Variants in IPP observed in about 807,000 individuals in gnomAD.
The protein encoded by IPP is actin-binding protein IPP.
IPP carries 41 observed loss-of-function variants against 64.1 expected under a neutral mutation model. The ratio of observed to expected loss-of-function variants is 0.64; its 90% CI spans 0.50 to 0.83. IPP has a LOEUF of 0.83. Among genes scored for constraint, IPP ranks in the 40% least tolerant of loss-of-function variants. The pLI is 0.00. For synonymous variants in IPP, 214 were observed against 235.2 expected, an observed-to-expected ratio of 0.91 and a Z score of 0.83; for missense variants, 649 against 703.0, an observed-to-expected ratio of 0.92 and a Z score of 0.87.
At chr1:45,708,959 G>A (rs570381527) in intron 8 of IPP, among the ~76,000 whole-genome samples, 19 of 142,478 alleles carry the variant, frequency 1.3e-4, no homozygotes, top group African/African-American at 4.2e-4. Flanking sequence ...GCTTGAACCC[G>A]AGAGGCAGAG....
chr1:45,747,584 T>C (rs572044294), intron 1 of IPP, among the ~76,000 whole-genome samples: 4 of 152,062 alleles, frequency 2.6e-5, no homozygotes, highest in East Asian at 3.9e-4. Flanking sequence ...TCCCAGCACG[T>C]TGGGATGCTG....
chr1:45,743,023 C>T (rs1218035638), intron 2 of IPP, among the ~76,000 whole-genome samples: 1 of 151,852 alleles, frequency 6.6e-6, no homozygotes. Flanking sequence ...CTACAACCAA[C>T]ACCTCCTGGG....
rs1224997414 is a variant in IPP, at chr1:45,727,794, T to C, written c.885A>G (p.Gly295=). Reference sequence around the variant, plus strand: ...AGCGACCCCCCTGCAACCGAGTATATCCACCTAAACAAAAGAAGAAAAGGT... The same window carrying C: ...AGCGACCCCCCTGCAACCGAGTATACCCACCTAAACAAAAGAAGAAAAGGT... ...KARKYLYAVG[G]YTRLQGGRWS... is the part of the protein sequence containing the mutation. The change falls in exon 5 of 9, where the codon GGA becomes GGG. Residue 295 remains glycine, a synonymous_variant. Coordinates refer to ENST00000396478, the MANE Select transcript of IPP (RefSeq NM_005897.3). 1.3e-6 allele frequency: 2 copies of C among 1,531,634 alleles called. No homozygotes were observed. Among genetic ancestry groups the C allele is most frequent in the Non-Finnish European group, 1.8e-6 (2 of 1,124,782 alleles). 94.9% of individuals were successfully genotyped at this position (1,531,634 alleles called of 1,614,324 possible).
At chr1:45,696,308 A>T (rs1056876171), downstream of IPP, among the ~76,000 whole-genome samples, 2 of 152,222 alleles carry the variant, frequency 1.3e-5, no homozygotes, top group Non-Finnish European at 2.9e-5. Flanking sequence ...AGATCACTTT[A>T]ATCATTTCTC....
chr1:45,749,524 TG>T (rs1646189325), intron 1 of IPP, among the ~76,000 whole-genome samples: 1 of 130,658 alleles, frequency 7.7e-6, no homozygotes, highest in Non-Finnish European at 1.7e-5. Context: ...TTTTGTTTTT[TG>T]TTTTTTTTTT....
rs541754924 is a variant in IPP, at chr1:45,715,127, A to G, written c.1310-661T>C. On this transcript the variant is annotated intron_variant, in intron 7 of 8. Transcript: ENST00000396478. ...GGAGGATGGCTTGAGCGTGGGAGGC[A>G]GAGGTTACAGTGAGCCAAGATTGCA... 3.3e-5 allele frequency among the ~76,000 whole-genome samples: 5 copies of G among 150,736 alleles called. No homozygotes were observed. In the East Asian group the frequency reaches 7.8e-4, roughly 24 times the overall value.
At chr1:45,711,950 A>G (rs765843124) in intron 8 of IPP, among the ~76,000 whole-genome samples, 1 of 152,082 alleles carries the variant, frequency 6.6e-6, no homozygotes, top group African/African-American at 2.4e-5. Context: ...ACATTCCAAC[A>G]CTCCTTTTTT....
intron 3 of IPP, among the ~76,000 whole-genome samples, chr1:45,738,991 G>A (rs1397852830): frequency 1.3e-5 from 2 of 151,796 alleles, no homozygotes; most frequent in African/African-American, 2.4e-5. Flanking sequence ...TGCTAATTCC[G>A]TGTTTGCAGC....
chr1:45,744,606 C>T (rs1646110370), intron 2 of IPP, among the ~76,000 whole-genome samples: 1 of 152,036 alleles, frequency 6.6e-6, no homozygotes, highest in African/African-American at 2.4e-5. Context: ...TTTGGGAGGC[C>T]GAGGCAGGTG....
At chr1:45,734,073 A>G (rs1234637259) in intron 3 of IPP, among the ~76,000 whole-genome samples, 1 of 152,162 alleles carries the variant, frequency 6.6e-6, no homozygotes, top group African/African-American at 2.4e-5. Context: ...CAAAACTAAA[A>G]GGACAGAGCT....
rs762177871 is a variant in IPP, at chr1:45,719,194, C to T, written c.1186+9G>A. 3.1e-6 allele frequency: 5 copies of T among 1,613,566 alleles called. No homozygotes were observed. Among genetic ancestry groups the T allele is most frequent in the South Asian group, 2.2e-5 (2 of 91,044 alleles). On this transcript the variant is annotated intron_variant, in intron 6 of 8. Transcript: ENST00000396478. ...TATTAGCTATCTTTAAACTGAACAACATAATTACCCAAAGCATAGATAGCC... is the reference window on the plus strand; with the variant it reads ...TATTAGCTATCTTTAAACTGAACAATATAATTACCCAAAGCATAGATAGCC...
intron 5 of IPP, among the ~76,000 whole-genome samples, chr1:45,726,709 T>C (rs1393819989): frequency 2.0e-5 from 3 of 149,892 alleles, no homozygotes; most frequent in Admixed American, 6.8e-5. Flanking sequence ...AATATTGATC[T>C]AAATTTTGAT....
intron 8 of IPP, among the ~76,000 whole-genome samples, chr1:45,704,821 C>T (rs773243460): frequency 3.3e-5 from 5 of 152,156 alleles, no homozygotes; most frequent in Non-Finnish European, 7.3e-5. Context: ...GAGGCGAAAG[C>T]AACTCTCTGT....
intron 7 of IPP, among the ~76,000 whole-genome samples, chr1:45,715,951 A>G (rs1645652401): frequency 6.6e-6 from 1 of 152,256 alleles, no homozygotes; most frequent in Non-Finnish European, 1.5e-5. Flanking sequence ...ACCACAGAGC[A>G]GAAAGAACTT....
chr1:45,734,715 G>A (rs1645953842), intron 3 of IPP, among the ~76,000 whole-genome samples: 1 of 152,030 alleles, frequency 6.6e-6, no homozygotes, highest in African/African-American at 2.4e-5. Flanking sequence ...TGCCTCCTGG[G>A]TTCAAGCAAT....
At chr1:45,709,082 G>A (rs1450736088) in intron 8 of IPP, among the ~76,000 whole-genome samples, 1 of 138,044 alleles carries the variant, frequency 7.2e-6, no homozygotes, top group Non-Finnish European at 1.6e-5. Flanking sequence ...TTCAGAAAAT[G>A]AAAGCTAAGA....
At chr1:45,725,475 GC>G (rs1253391590) in intron 5 of IPP, among the ~76,000 whole-genome samples, 16 of 140,150 alleles carry the variant, frequency 1.1e-4, no homozygotes, top group African/African-American at 5.2e-5. Flanking sequence ...GGGGGTGTCA[GC>G]CCCCCGCCCG....
At chr1:45,739,956 AGAGGACCCTGC>A (rs1646037332) in intron 3 of IPP, among the ~76,000 whole-genome samples, 1 of 152,072 alleles carries the variant, frequency 6.6e-6, no homozygotes, top group East Asian at 1.9e-4. Context: ...TTTTCTAGGC[AGAGGACCCTGC>A]GGCCTTCCGC....
At chr1:45,744,017 CAAA>C (rs202157506) in intron 2 of IPP, among the ~76,000 whole-genome samples, 7 of 100,780 alleles carry the variant, frequency 6.9e-5, no homozygotes, top group Admixed American at 1.0e-4. Context: ...ACCCCGTCAC[CAAA>C]AAAAAAAAAA....
Sources: allele counts gnomAD v4.1 joint callset (sites outside exome capture counted in the v4.1 genomes callset), GRCh38; gene constraint gnomAD v4.1.1; transcripts MANE v1.5; gene names NCBI Gene and HGNC (gene_info 2026-07-23, HGNC 2026-07-21).